The following DGKG variants were observed in gnomAD, a reference collection of about 807,000 sequenced individuals.
DGKG encodes DAG kinase gamma.
DGKG carries 78 observed loss-of-function variants against 105.3 expected under a neutral mutation model. That is an observed-to-expected ratio of 0.74 (90% confidence interval 0.62 to 0.89). DGKG has a LOEUF of 0.89. Among genes scored for constraint, DGKG ranks in the 40% least tolerant of loss-of-function variants. The pLI is 0.00. For missense variants in DGKG, 958 were observed against 1,020.1 expected, an observed-to-expected ratio of 0.94 and a Z score of 0.83; for synonymous variants, 346 against 367.1, an observed-to-expected ratio of 0.94 and a Z score of 0.66.
At chr3:186,178,248 A>G (rs994444261) in intron 22 of DGKG, among the ~76,000 whole-genome samples, 5 of 152,216 alleles carry the variant, frequency 3.3e-5, no homozygotes, top group African/African-American at 1.2e-4. Flanking sequence ...TCTTGCACCA[A>G]ATAGAAACAG....
At chr3:186,238,183 C>T (rs537026362) in intron 20 of DGKG, among the ~76,000 whole-genome samples, 33 of 151,540 alleles carry the variant, frequency 2.2e-4, no homozygotes, top group African/African-American at 6.8e-4. Flanking sequence ...TTTAATCCCA[C>T]CTACTCAGGA....
At chr3:186,300,789 A>G (rs890917074) in intron 3 of DGKG, among the ~76,000 whole-genome samples, 5 of 152,234 alleles carry the variant, frequency 3.3e-5, no homozygotes, top group Admixed American at 3.3e-4. Flanking sequence ...ATAATGCTGT[A>G]AAAAACCAAA....
intron 2 of DGKG, among the ~76,000 whole-genome samples, chr3:186,312,786 C>G (rs759680): frequency 0.013 from 1,983 of 152,296 alleles, 35 homozygotes; most frequent in African/African-American, 0.045. Context: ...AACAGAAGGG[C>G]CAGGGCCAAG....
intron 20 of DGKG, among the ~76,000 whole-genome samples, chr3:186,240,807 G>GAAAAAAAA (rs11311286): frequency 7.2e-6 from 1 of 138,858 alleles, no homozygotes. Flanking sequence ...GAAACTCCAT[G>GAAAAAAAA]AAAAAAAAAA....
At chr3:186,262,156 C>T (rs1025098882) in intron 14 of DGKG, among the ~76,000 whole-genome samples, 1 of 152,162 alleles carries the variant, frequency 6.6e-6, no homozygotes, top group South Asian at 2.1e-4. Flanking sequence ...AAATAGCACT[C>T]GTGGAGTGAA....
intron 3 of DGKG, among the ~76,000 whole-genome samples, chr3:186,304,074 G>T (rs1328517624): frequency 1.3e-5 from 2 of 152,228 alleles, no homozygotes; most frequent in Admixed American, 1.3e-4. Context: ...CGACAGAGGC[G>T]AGGGCGGCTG....
chr3:186,177,974 T>C (rs1453167162), intron 22 of DGKG, among the ~76,000 whole-genome samples: 1 of 152,168 alleles, frequency 6.6e-6, no homozygotes, highest in Non-Finnish European at 1.5e-5. Context: ...AGGAACATAA[T>C]CATATTATGA....
chr3:186,359,072 A>G (rs112285485), intron 1 of DGKG, among the ~76,000 whole-genome samples: 2,462 of 152,286 alleles, frequency 0.016, 71 homozygotes, highest in African/African-American at 0.057. Context: ...TCCTTCTTCC[A>G]TGAGACTGAA....
intron 22 of DGKG, among the ~76,000 whole-genome samples, chr3:186,180,128 G>T (rs938321211): frequency 3.3e-5 from 5 of 152,126 alleles, no homozygotes; most frequent in Non-Finnish European, 7.3e-5. Flanking sequence ...AGTTCCTCAA[G>T]CCAGTCGTGA....
intron 21 of DGKG, among the ~76,000 whole-genome samples, 163 bp from the exon 22 acceptor site, chr3:186,188,542 G>A (rs1050640548): frequency 6.6e-6 from 1 of 152,164 alleles, no homozygotes; most frequent in African/African-American, 2.4e-5. Context: ...CATGGGCAAA[G>A]TCGCTCAGAC....
Position 186,149,638 on chromosome 3 carries a change from G to GA in DGKG, c.*451_*452insT. On this transcript the variant is annotated 3_prime_UTR_variant, in exon 25 of 25. Coordinates refer to ENST00000265022, the MANE Select transcript of DGKG (RefSeq NM_001346.3). ...TGTCTCTGTACAGAGGGAACTTTGTGCAAATTCTCTGGAACCAGAGCTCCT... is the reference window on the plus strand; with the variant it reads ...TGTCTCTGTACAGAGGGAACTTTGTGACAAATTCTCTGGAACCAGAGCTCCT... 1 of 988,834 alleles carries GA rather than the reference G, an allele frequency of 1.0e-6. No individual in the cohort carries two copies. Among genetic ancestry groups the GA allele is most frequent in the Non-Finnish European group, 1.2e-6 (1 of 831,846 alleles). 61.3% of individuals were successfully genotyped at this position (988,834 alleles called of 1,614,324 possible). A position where few individuals can be genotyped will look rare whatever the true frequency, so the allele number is the denominator to read the frequency against.
chr3:186,221,329 T>A (rs1719568480), intron 20 of DGKG, among the ~76,000 whole-genome samples: 1 of 152,120 alleles, frequency 6.6e-6, no homozygotes, highest in Non-Finnish European at 1.5e-5. Context: ...AATAGCTCCT[T>A]TCCCTCATCC....
chr3:186,257,530 G>A (rs1368066577), intron 17 of DGKG, among the ~76,000 whole-genome samples: 2 of 152,090 alleles, frequency 1.3e-5, no homozygotes, highest in Non-Finnish European at 2.9e-5. Flanking sequence ...CAAAGGGTCT[G>A]CCCAGAATTC....
chr3:186,209,936 T>C (rs1406544977), intron 21 of DGKG, among the ~76,000 whole-genome samples: 6 of 152,040 alleles, frequency 3.9e-5, no homozygotes, highest in African/African-American at 1.2e-4. Flanking sequence ...AAAGACTCAT[T>C]ATGGAGAGAT....
chr3:186,317,739 C>G (rs1022842900), intron 2 of DGKG, among the ~76,000 whole-genome samples: 2 of 152,320 alleles, frequency 1.3e-5, no homozygotes, highest in African/African-American at 4.8e-5. Context: ...CCATGCTGCC[C>G]ACTTCTGAGC....
rs1190182664 is a variant in DGKG at position 186,320,420 on chromosome 3, A to C, written c.40T>G (p.Phe14Val). 2.5e-6 allele frequency: 4 copies of C among 1,614,088 alleles called. No homozygotes were observed. The highest frequency in any genetic ancestry group is 3.4e-6 in the Non-Finnish European group (4 of 1,180,044). The change falls in exon 2 of 25, where the codon TTT (phenylalanine) becomes GTT (valine). Residue 14 changes from phenylalanine to valine, a missense_variant. Coordinates refer to ENST00000265022, the MANE Select transcript of DGKG (RefSeq NM_001346.3). ...ERWVSLTPEE[F>V]DQLQKYSEYS... ...TCTGAATATTTCTGGAGTTGGTCAA[A>C]TTCTTCTGGAGTGAGGGAGACCCAC...
Position 186,218,176 on chromosome 3 carries a change from A to G in DGKG, c.1827-6291T>C, listed in dbSNP as rs1223085366. ...GCATGTGACTTCATGAGAGTCACTC[A>G]GCAACACCAGGCCTCAGATTCCTCA... On this transcript the variant is annotated intron_variant, in intron 20 of 24. Coordinates refer to ENST00000265022, the MANE Select transcript of DGKG (RefSeq NM_001346.3). Among the ~76,000 whole-genome samples, 3 of 152,246 alleles carry G rather than the reference A, an allele frequency of 2.0e-5. No individual in the cohort carries two copies. The East Asian group carries it at 5.8e-4, about 29-fold the overall frequency.
At chr3:186,215,412 CAAAAAAA>C (rs71632094) in intron 20 of DGKG, among the ~76,000 whole-genome samples, 8 of 73,386 alleles carry the variant, frequency 1.1e-4, no homozygotes, top group Non-Finnish European at 1.8e-4. Flanking sequence ...CCCCCATCTC[CAAAAAAA>C]AAAAAAAAAA....
rs543115555 is a variant in DGKG at position 186,304,526 on chromosome 3, G to C, written c.144+2375C>G. ...GGATGACAACGTGAATAAGAAAGTG[G>C]CCAGTCTCTCCCTAAGTGAATCCTG... On this transcript the variant is annotated intron_variant, in intron 3 of 24. Transcript: ENST00000265022. Among the ~76,000 whole-genome samples, 3 of 152,298 alleles carry C rather than the reference G, an allele frequency of 2.0e-5. No homozygotes were observed. In the East Asian group the frequency reaches 5.8e-4, roughly 29 times the overall value.
Sources: gnomAD v4.1 joint callset for allele counts (sites outside exome capture counted in the v4.1 genomes callset) on GRCh38, gnomAD v4.1.1 for gene constraint, MANE v1.5 for transcripts, NCBI Gene and HGNC (gene_info 2026-07-23, HGNC 2026-07-21) for gene names.